Variants in CCSER1 observed in about 807,000 individuals in gnomAD.
CCSER1 encodes coiled-coil serine rich protein 1.
Under a neutral mutation model 82.0 loss-of-function variants are expected in CCSER1, and 41 were observed. The ratio of observed to expected loss-of-function variants is 0.50; its 90% CI spans 0.39 to 0.65. The LOEUF (loss-of-function observed/expected upper bound fraction) is 0.65, where lower values mean the gene tolerates loss of function less well. CCSER1 is among the 30% of genes least tolerant of loss of function. The probability of loss-of-function intolerance (pLI) is 0.00; values close to 1 mark genes in which losing one functional copy is unlikely to be tolerated. For synonymous variants in CCSER1, 414 were observed against 383.9 expected, an observed-to-expected ratio of 1.08 and a Z score of -0.92; for missense variants, 1,119 against 1,064.2, an observed-to-expected ratio of 1.05 and a Z score of -0.72.
At chr4:91,578,644 T>A (rs73836233) in intron 10 of CCSER1, among the ~76,000 whole-genome samples, 21,803 of 151,986 alleles carry the variant, frequency 0.14, 1,856 homozygotes, top group African/African-American at 0.24. Context: ...GAATAGCTTT[T>A]CTTTTCTGAG....
intron 3 of CCSER1, among the ~76,000 whole-genome samples, chr4:90,313,887 G>A (rs1735724479): frequency 6.6e-6 from 1 of 152,126 alleles, no homozygotes; most frequent in African/African-American, 2.4e-5. Flanking sequence ...ATCTAAAAAT[G>A]TTCCTTAAAA....
At chr4:90,936,561 A>G (rs28493895) in intron 9 of CCSER1, among the ~76,000 whole-genome samples, 47,459 of 151,862 alleles carry the variant, frequency 0.31, 7,813 homozygotes, top group Non-Finnish European at 0.35. Flanking sequence ...TTTTCATTAC[A>G]TGTGTGTCTC....
chr4:91,423,917 G>A (rs182746946), intron 10 of CCSER1, among the ~76,000 whole-genome samples: 3 of 149,028 alleles, frequency 2.0e-5, no homozygotes, highest in Admixed American at 2.0e-4. Flanking sequence ...TCACCAGAAA[G>A]CCTGCAAAAT....
chr4:90,352,728 T>C (rs1743711716), intron 3 of CCSER1, among the ~76,000 whole-genome samples: 1 of 151,972 alleles, frequency 6.6e-6, no homozygotes, highest in Non-Finnish European at 1.5e-5. Context: ...ACAGGTAGCA[T>C]GATTTAGTAA....
chr4:90,930,049 C>T (rs149657973), intron 9 of CCSER1, among the ~76,000 whole-genome samples: 134 of 152,032 alleles, frequency 8.8e-4, no homozygotes, highest in Non-Finnish European at 1.0e-3. Context: ...AGAGTACACA[C>T]GCAGGAGGTT....
chr4:90,248,644 G>A (rs548761095), intron 1 of CCSER1, among the ~76,000 whole-genome samples: 1 of 152,042 alleles, frequency 6.6e-6, no homozygotes, highest in Non-Finnish European at 1.5e-5. Flanking sequence ...CTAGAGGAGG[G>A]TGGATTTAAA....
intron 8 of CCSER1, among the ~76,000 whole-genome samples, chr4:90,838,560 A>C (rs1181424136): frequency 1.9e-5 from 2 of 104,044 alleles, no homozygotes; most frequent in African/African-American, 2.7e-5. Context: ...TCATTTGAAC[A>C]AAAAAAAAAT....
At chr4:90,835,260 G>C (rs1053184435) in intron 8 of CCSER1, among the ~76,000 whole-genome samples, 16 of 152,210 alleles carry the variant, frequency 1.1e-4, no homozygotes, top group African/African-American at 3.4e-4. Context: ...GAACCCGGGA[G>C]GGGGAGCTTG....
At chr4:90,807,870 A>T (rs979003749) in intron 7 of CCSER1, among the ~76,000 whole-genome samples, 11 of 152,088 alleles carry the variant, frequency 7.2e-5, no homozygotes, top group African/African-American at 2.7e-4. Context: ...CCCCAACGTC[A>T]TTTTTTGCAG....
chr4:90,728,627 G>T (rs1160226742), intron 7 of CCSER1, among the ~76,000 whole-genome samples: 1 of 151,982 alleles, frequency 6.6e-6, no homozygotes, highest in Non-Finnish European at 1.5e-5. Context: ...TTGAGCTCAG[G>T]AATTTGAGCC....
chr4:91,438,231 C>A (rs1754818042), intron 10 of CCSER1, among the ~76,000 whole-genome samples: 1 of 152,186 alleles, frequency 6.6e-6, no homozygotes, highest in Non-Finnish European at 1.5e-5. Context: ...GGAGGCACCC[C>A]CCAGTAGGGG....
intron 6 of CCSER1, among the ~76,000 whole-genome samples, chr4:90,667,563 A>G (rs555579710): frequency 8.6e-5 from 13 of 151,618 alleles, no homozygotes; most frequent in African/African-American, 2.9e-4. Context: ...TCATTGTTCA[A>G]CTCCCACTTA....
chr4:90,648,331 A>AAGAAAGAAAGAG (rs1553969777), intron 6 of CCSER1, among the ~76,000 whole-genome samples: 85 of 150,514 alleles, frequency 5.6e-4, no homozygotes, highest in Admixed American at 9.9e-4. Flanking sequence ...GAAAGAAAGA[A>AAGAAAGAAAGAG]AGAAAGAAAG....
intron 10 of CCSER1, among the ~76,000 whole-genome samples, chr4:91,340,051 A>G (rs184417548): frequency 6.6e-6 from 1 of 152,228 alleles, no homozygotes; most frequent in African/African-American, 2.4e-5. Flanking sequence ...CGGGAGGCAG[A>G]GGTTGCAGTG....
At chr4:91,029,799 A>G (rs143225244) in intron 9 of CCSER1, among the ~76,000 whole-genome samples, 53 of 152,206 alleles carry the variant, frequency 3.5e-4, no homozygotes, top group African/African-American at 1.3e-3. Context: ...ATATATATAA[A>G]GCATTTAGAA....
intron 3 of CCSER1, among the ~76,000 whole-genome samples, chr4:90,351,160 A>G (rs892838264): frequency 7.9e-5 from 12 of 152,208 alleles, no homozygotes; most frequent in African/African-American, 2.9e-4. Context: ...GTAAATCTAC[A>G]GGTACTAGTG....
intron 7 of CCSER1, among the ~76,000 whole-genome samples, chr4:90,740,263 T>C (rs1456196450): frequency 6.6e-6 from 1 of 152,144 alleles, no homozygotes; most frequent in Non-Finnish European, 1.5e-5. Context: ...TATTATTTGG[T>C]GTCAATATTT....
intron 10 of CCSER1, among the ~76,000 whole-genome samples, chr4:91,229,783 A>G (rs1045901309): frequency 3.3e-5 from 5 of 152,116 alleles, no homozygotes; most frequent in Admixed American, 6.6e-5. Context: ...GAGTTAAACA[A>G]TGAGAACGCA....
At chr4:90,925,011 G>A (rs577500524) in intron 9 of CCSER1, among the ~76,000 whole-genome samples, 237 of 152,274 alleles carry the variant, frequency 1.6e-3, no homozygotes, top group Admixed American at 5.0e-3. Context: ...ACAGGCGTGA[G>A]CCACCACCCC....
Sources: gnomAD v4.1 joint callset for allele counts (sites outside exome capture counted in the v4.1 genomes callset) on GRCh38, gnomAD v4.1.1 for gene constraint, MANE v1.5 for transcripts, NCBI Gene and HGNC (gene_info 2026-07-23, HGNC 2026-07-21) for gene names.